Variants in SULF2 observed in about 807,000 individuals in gnomAD.
SULF2 encodes the protein extracellular sulfatase Sulf-2.
In SULF2, 52 loss-of-function variants were observed where a neutral mutation model predicts 107.7. The observed-to-expected ratio is 0.48, with a 90% CI of 0.39 to 0.61. The LOEUF is 0.61. Among genes scored for constraint, SULF2 ranks in the 20% least tolerant of loss-of-function variants. The probability of loss-of-function intolerance (pLI) is 0.00; values close to 1 mark genes in which losing one functional copy is unlikely to be tolerated. For missense variants in SULF2, 993 were observed against 1,177.3 expected, an observed-to-expected ratio of 0.84 and a Z score of 2.29; for synonymous variants, 460 against 464.3, an observed-to-expected ratio of 0.99 and a Z score of 0.12.
chr20:47,679,907 G>A (rs1390061195), intron 7 of SULF2, among the ~76,000 whole-genome samples: 3 of 148,964 alleles, frequency 2.0e-5, no homozygotes, highest in Non-Finnish European at 4.5e-5. Context: ...TTCTCCTGAA[G>A]ACTTATCACC....
intron 2 of SULF2, among the ~76,000 whole-genome samples, chr20:47,745,795 G>T (rs2090021651): frequency 6.6e-6 from 1 of 152,044 alleles, no homozygotes; most frequent in Non-Finnish European, 1.5e-5. Context: ...CTCCCAAAGT[G>T]CTGGGATTAC....
At chr20:47,727,924 G>A (rs570633145) in intron 3 of SULF2, among the ~76,000 whole-genome samples, 1 of 152,332 alleles carries the variant, frequency 6.6e-6, no homozygotes. Context: ...ATTAGAGGAA[G>A]AAATTTCGCT....
intron 5 of SULF2, 151 bp from the exon 6 acceptor site, chr20:47,684,732 G>C: frequency 2.9e-6 from 2 of 682,104 alleles, no homozygotes; most frequent in South Asian, 4.0e-5. Context: ...GGGGACATTG[G>C]CATGTCAGGG....
Position 47,665,922 on chromosome 20 carries a change from A to C in SULF2, c.1837T>G (p.Cys613Gly). 2 of 1,613,942 alleles carry C rather than the reference A, an allele frequency of 1.2e-6. No homozygotes were observed. Among genetic ancestry groups the C allele is most frequent in the Non-Finnish European group, 1.7e-6 (2 of 1,179,900 alleles). Residue 613 changes from cysteine to glycine, a missense_variant, in exon 13 of 21, where the codon TGT (cysteine) becomes GGT (glycine). Cys to Gly is a radical substitution (Grantham distance 159). This residue lies in a region of SULF2 where 497 missense variants were observed against 544.1 expected (regional missense o/e 0.91). Transcript: ENST00000688720. ...CYILENDTVQCDLDLYKSLQA... is the reference protein window; with the variant it reads ...CYILENDTVQGDLDLYKSLQA... ...AGGGACTTGTACAGGTCCAGGTCACACTGGACTGTGTCGTTCTCTAGGATG... is the reference window on the plus strand; with the variant it reads ...AGGGACTTGTACAGGTCCAGGTCACCCTGGACTGTGTCGTTCTCTAGGATG...
At chr20:47,710,110 C>A (rs925633397) in intron 3 of SULF2, among the ~76,000 whole-genome samples, 1 of 152,114 alleles carries the variant, frequency 6.6e-6, no homozygotes, top group Non-Finnish European at 1.5e-5. Context: ...CCATGTTGGC[C>A]AGGCTGGCCT....
At position 47,666,922 on chromosome 20, in the gene SULF2, C is replaced by G. The variant is rs904103470; in HGVS notation, c.1577-434G>C. On this transcript the variant is annotated intron_variant, in intron 11 of 20. Coordinates refer to ENST00000688720, the MANE Select transcript of SULF2 (RefSeq NM_001387048.1). This position sits in a 1 kb window ranked among gnomAD's most constrained non-coding sequence, Gnocchi z 5.4. ...GTTACATTCTATTTATAGGAACTAC[C>G]CAGAATAGGTAAATCTATAGCGGCA... Among the ~76,000 whole-genome samples, 4 of 152,158 alleles carry G rather than the reference C, an allele frequency of 2.6e-5. No homozygotes were observed. Among genetic ancestry groups the G allele is most frequent in the Non-Finnish European group, 4.4e-5 (3 of 68,038 alleles).
At chr20:47,743,168 C>G (rs1224070790) in intron 2 of SULF2, among the ~76,000 whole-genome samples, 1 of 151,998 alleles carries the variant, frequency 6.6e-6, no homozygotes, top group Admixed American at 6.5e-5. Flanking sequence ...GGGAAAGCAG[C>G]AGAAGGAAGA....
intron 1 of SULF2, among the ~76,000 whole-genome samples, chr20:47,762,007 G>C (rs2090428349): frequency 6.6e-6 from 1 of 152,142 alleles, no homozygotes; most frequent in Non-Finnish European, 1.5e-5. Context: ...ATCTTCTTTT[G>C]TCTGCCATCA....
At chr20:47,761,232 G>T (rs749933582) in intron 1 of SULF2, among the ~76,000 whole-genome samples, 3 of 152,302 alleles carry the variant, frequency 2.0e-5, no homozygotes, top group Admixed American at 2.0e-4. Context: ...GAAAACTGAG[G>T]TTTCATTACT....
At chr20:47,760,826 A>C (rs983820166) in intron 1 of SULF2, among the ~76,000 whole-genome samples, 4 of 152,148 alleles carry the variant, frequency 2.6e-5, no homozygotes, top group Non-Finnish European at 5.9e-5. Flanking sequence ...AGGGTGAACA[A>C]CACCTTCCTT....
At chr20:47,707,596 C>T (rs139782063) in intron 3 of SULF2, among the ~76,000 whole-genome samples, 17 of 152,254 alleles carry the variant, frequency 1.1e-4, no homozygotes, top group African/African-American at 3.6e-4. Context: ...GCTGACTTCC[C>T]GGTAGATGAA....
intron 11 of SULF2, among the ~76,000 whole-genome samples, chr20:47,670,580 A>G (rs1338236471): frequency 7.5e-6 from 1 of 133,826 alleles, no homozygotes; most frequent in African/African-American, 2.8e-5. Context: ...AAGGACAAAT[A>G]CTGTACAATT....
chr20:47,673,298 CTT>C (rs745950954), intron 10 of SULF2, among the ~76,000 whole-genome samples: 1 of 152,212 alleles, frequency 6.6e-6, no homozygotes, highest in Non-Finnish European at 1.5e-5. Context: ...CTCTCCAGCA[CTT>C]AGCATGTGCC....
intron 1 of SULF2, among the ~76,000 whole-genome samples, chr20:47,773,097 G>T (rs1177498038): frequency 6.6e-6 from 1 of 152,104 alleles, no homozygotes; most frequent in African/African-American, 2.4e-5. Flanking sequence ...ATAAAGCCCC[G>T]CTGGAGCTTG....
In SULF2 at chr20:47,678,587, C is replaced by A; in HGVS notation, c.1193+89G>T. On this transcript the variant is annotated intron_variant, in intron 8 of 20. Coordinates refer to ENST00000688720, the MANE Select transcript of SULF2 (RefSeq NM_001387048.1). This position sits in a 1 kb window ranked among gnomAD's most constrained non-coding sequence, Gnocchi z 4.5. ...AACCCCAGCTCCCGACCCTTGGAGA[C>A]CCCACGTTCTAGACCCACAGGGTTT... 6.5e-7 allele frequency: 1 copy of A among 1,539,266 alleles called. No individual in the cohort carries two copies.
intron 2 of SULF2, among the ~76,000 whole-genome samples, chr20:47,748,601 C>G (rs1360820672): frequency 1.3e-5 from 2 of 152,250 alleles, no homozygotes; most frequent in African/African-American, 4.8e-5. Flanking sequence ...CAGTTCTCCA[C>G]CCCAGGGCAC....
At chr20:47,683,256 A>C in intron 6 of SULF2, 87 bp from the exon 7 acceptor site, 4 of 1,356,388 alleles carry the variant, frequency 2.9e-6, no homozygotes, top group East Asian at 2.4e-5. Context: ...TTGAGATCTC[A>C]GGCCCCGTCC....
intron 14 of SULF2, 105 bp downstream of exon 14, chr20:47,665,088 GAAGATA>G (rs2087216111): frequency 1.3e-6 from 1 of 771,910 alleles, no homozygotes; most frequent in East Asian, 2.4e-5. Context: ...CATGAGGGGA[GAAGATA>G]AAGATAAAAA....
At chr20:47,669,785 C>T (rs1363338724) in intron 11 of SULF2, among the ~76,000 whole-genome samples, 3 of 152,198 alleles carry the variant, frequency 2.0e-5, no homozygotes, top group Non-Finnish European at 4.4e-5. Flanking sequence ...TGAGCTGACT[C>T]TCAGCTACTT....
Sources: gnomAD v4.1 joint callset for allele counts (sites outside exome capture counted in the v4.1 genomes callset) on GRCh38, gnomAD v4.1.1 for gene constraint, gnomAD v4.1.1 regional missense constraint, Gnocchi (gnomAD v3.1) non-coding constraint, MANE v1.5 for transcripts, NCBI Gene and HGNC (gene_info 2026-07-23, HGNC 2026-07-21) for gene names.